The following ST6GALNAC3 variants were observed in gnomAD, a reference collection of about 807,000 sequenced individuals.
ST6GALNAC3 encodes ST6 N-acetylgalactosaminide alpha-2,6-sialyltransferase 3.
In ST6GALNAC3, 25 loss-of-function variants were observed where a neutral mutation model predicts 32.7. The ratio of observed to expected loss-of-function variants is 0.76; its 90% CI spans 0.56 to 1.07. ST6GALNAC3 has a LOEUF of 1.07. Ranked by LOEUF, ST6GALNAC3 falls within the 50% of genes least tolerant of loss-of-function variation. The pLI is 0.00. For missense variants in ST6GALNAC3, 355 were observed against 382.4 expected (o/e 0.93, Z 0.60); for synonymous variants, 129 against 133.1 (o/e 0.97, Z 0.21).
At chr1:76,275,897 C>T (rs538458543) in intron 1 of ST6GALNAC3, among the ~76,000 whole-genome samples, 26 of 152,288 alleles carry the variant, frequency 1.7e-4, no homozygotes, top group African/African-American at 4.8e-4. Context: ...TTTGATTCAG[C>T]GGTTCAACAG....
At chr1:76,611,263 A>G (rs888129869) in intron 3 of ST6GALNAC3, among the ~76,000 whole-genome samples, 1 of 151,806 alleles carries the variant, frequency 6.6e-6, no homozygotes, top group African/African-American at 2.4e-5. Context: ...TATTCAAAAT[A>G]ATTTTTTTCT....
At chr1:76,376,951 A>G (rs1651285300) in intron 2 of ST6GALNAC3, among the ~76,000 whole-genome samples, 1 of 152,146 alleles carries the variant, frequency 6.6e-6, no homozygotes, top group South Asian at 2.1e-4. Flanking sequence ...ATACATATAT[A>G]AAGTAGTAAT....
intron 3 of ST6GALNAC3, among the ~76,000 whole-genome samples, chr1:76,441,196 G>C (rs1656574645): frequency 6.6e-6 from 1 of 151,788 alleles, no homozygotes; most frequent in South Asian, 2.1e-4. Flanking sequence ...AATGTGTGTA[G>C]TTATAATTAT....
At position 76,632,905 on chromosome 1, in the gene ST6GALNAC3, A is replaced by G. The variant is rs1487074501; in HGVS notation, c.*4099A>G. The G allele has an allele frequency of 5.9e-5, 9 of 152,174 alleles. No homozygotes were observed. Among genetic ancestry groups the G allele is most frequent in the Non-Finnish European group, 1.3e-4 (9 of 68,006 alleles). The allele number at this position is 152,174 out of a possible 1,614,324, so 9.4% of individuals were successfully genotyped here. ...AGTTGTTTGCATGTCTTAGCACAAC[A>G]AAGGATTTACAGTCTGAGGGCCAAG... On this transcript the variant is annotated 3_prime_UTR_variant, in exon 5 of 5. Transcript: ENST00000328299.
chr1:76,548,986 C>G (rs1170980857), intron 3 of ST6GALNAC3, among the ~76,000 whole-genome samples: 1 of 152,096 alleles, frequency 6.6e-6, no homozygotes, highest in Non-Finnish European at 1.5e-5. Context: ...TAGCTGGCTG[C>G]TAGATGAAAA....
At chr1:76,316,076 A>G (rs1646859186) in intron 2 of ST6GALNAC3, among the ~76,000 whole-genome samples, 1 of 152,152 alleles carries the variant, frequency 6.6e-6, no homozygotes, top group African/African-American at 2.4e-5. Context: ...ACAAAGAGAT[A>G]CTAATATACA....
At chr1:76,243,878 G>A (rs1477767166) in intron 1 of ST6GALNAC3, among the ~76,000 whole-genome samples, 1 of 152,168 alleles carries the variant, frequency 6.6e-6, no homozygotes, top group South Asian at 2.1e-4. Context: ...AAGTCAGGTA[G>A]CATGATGCCT....
chr1:76,523,543 A>G (rs1188519659), intron 3 of ST6GALNAC3, among the ~76,000 whole-genome samples: 2 of 152,192 alleles, frequency 1.3e-5, no homozygotes, highest in African/African-American at 4.8e-5. Context: ...GAATAGGCTG[A>G]CTTTAGACAT....
intron 3 of ST6GALNAC3, among the ~76,000 whole-genome samples, chr1:76,577,809 T>C (rs1646834110): frequency 6.6e-6 from 1 of 152,056 alleles, no homozygotes; most frequent in Admixed American, 6.6e-5. Flanking sequence ...ATGTCCTTAT[T>C]CTGTTCACTT....
chr1:76,130,405 G>A (rs1649535591), intron 1 of ST6GALNAC3, among the ~76,000 whole-genome samples: 1 of 152,188 alleles, frequency 6.6e-6, no homozygotes, highest in African/African-American at 2.4e-5. Context: ...GTGGGTGGCT[G>A]TGGGGGCACA....
intron 1 of ST6GALNAC3, among the ~76,000 whole-genome samples, chr1:76,310,890 T>G (rs1337235392): frequency 1.3e-5 from 2 of 152,158 alleles, no homozygotes; most frequent in Non-Finnish European, 2.9e-5. Flanking sequence ...TGACAGTTGC[T>G]GAAAACTAGA....
intron 2 of ST6GALNAC3, among the ~76,000 whole-genome samples, chr1:76,343,996 T>A (rs1648283520): frequency 6.6e-6 from 1 of 152,198 alleles, no homozygotes; most frequent in Admixed American, 6.5e-5. Flanking sequence ...AAGGGGCAAG[T>A]AGGGCAAGGC....
intron 1 of ST6GALNAC3, among the ~76,000 whole-genome samples, chr1:76,162,783 T>C (rs544919882): frequency 5.3e-4 from 80 of 152,226 alleles, no homozygotes; most frequent in Non-Finnish European, 1.0e-3. Flanking sequence ...AGGTGAGCAG[T>C]TAGCAAGGGG....
chr1:76,612,594 C>T (rs550450330), intron 3 of ST6GALNAC3, among the ~76,000 whole-genome samples: 1 of 152,192 alleles, frequency 6.6e-6, no homozygotes, highest in South Asian at 2.1e-4. Flanking sequence ...GAACAACAAG[C>T]AGAAGGAAAC....
chr1:76,472,410 T>C (rs146335850), intron 3 of ST6GALNAC3, among the ~76,000 whole-genome samples: 1 of 152,226 alleles, frequency 6.6e-6, no homozygotes, highest in African/African-American at 2.4e-5. Context: ...CACTGACAAC[T>C]AGAATGGCCT....
chr1:76,300,329 GGGCCAGA>G, intron 1 of ST6GALNAC3, among the ~76,000 whole-genome samples: 1 of 151,926 alleles, frequency 6.6e-6, no homozygotes, highest in Non-Finnish European at 1.5e-5. Flanking sequence ...AAATGGATGT[GGGCCAGA>G]GTGGGAGCCA....
intron 1 of ST6GALNAC3, among the ~76,000 whole-genome samples, chr1:76,237,502 T>A (rs1656724761): frequency 6.6e-6 from 1 of 152,172 alleles, no homozygotes; most frequent in Non-Finnish European, 1.5e-5. Flanking sequence ...TTCAAAAAGA[T>A]GAAAGGTTTG....
chr1:76,459,550 CA>C (rs1222918817), intron 3 of ST6GALNAC3, among the ~76,000 whole-genome samples: 2 of 143,580 alleles, frequency 1.4e-5, no homozygotes, highest in African/African-American at 5.2e-5. Flanking sequence ...GGCGACAGAG[CA>C]AGACTCCATC....
chr1:76,101,969 A>G (rs1647243356), intron 1 of ST6GALNAC3, among the ~76,000 whole-genome samples: 2 of 151,930 alleles, frequency 1.3e-5, no homozygotes, highest in African/African-American at 4.8e-5. Context: ...TGTTGAGTGC[A>G]ATGTTCTATA....
Sources: gnomAD v4.1 joint callset for allele counts (sites outside exome capture counted in the v4.1 genomes callset) on GRCh38, gnomAD v4.1.1 for gene constraint, MANE v1.5 for transcripts, NCBI Gene and HGNC (gene_info 2026-07-23, HGNC 2026-07-21) for gene names.